Variants in RBPJ observed in about 807,000 individuals in gnomAD.
The protein encoded by RBPJ is recombining binding protein suppressor of hairless.
A neutral mutation model predicts 67.8 loss-of-function variants in RBPJ; 9 were observed. That is an observed-to-expected ratio of 0.13 (90% confidence interval 0.08 to 0.23). The LOEUF (loss-of-function observed/expected upper bound fraction) is 0.23, where lower values mean the gene tolerates loss of function less well. RBPJ is among the 10% of genes least tolerant of loss of function. RBPJ has a pLI of 1.00. For missense variants in RBPJ, 305 were observed against 595.6 expected, an observed-to-expected ratio of 0.51 and a Z score of 5.08; for synonymous variants, 198 against 203.3, an observed-to-expected ratio of 0.97 and a Z score of 0.22.
At chr4:26,270,381 G>GAAAGAAAGAAAGAAAGAA (rs1720847963) in intron 1 of RBPJ, among the ~76,000 whole-genome samples, 1 of 49,422 alleles carries the variant, frequency 2.0e-5, no homozygotes, top group African/African-American at 6.9e-5. Context: ...AAGAAAGAAA[G>GAAAGAAAGAAAGAAAGAA]AAAGAAAGAA....
intron 1 of RBPJ, among the ~76,000 whole-genome samples, chr4:26,195,184 C>T (rs888405334): frequency 6.6e-6 from 1 of 152,290 alleles, no homozygotes; most frequent in Admixed American, 6.5e-5. Context: ...GCCTGGCCAA[C>T]ATAGCGAGAC....
At chr4:26,316,697 G>A (rs921420900), upstream of RBPJ, among the ~76,000 whole-genome samples, 30 of 127,844 alleles carry the variant, frequency 2.3e-4, 1 homozygote, top group African/African-American at 8.8e-4. Flanking sequence ...CACATATTGT[G>A]TATATATATA....
At chr4:26,227,676 C>T (rs1035450110) in intron 1 of RBPJ, among the ~76,000 whole-genome samples, 1 of 152,166 alleles carries the variant, frequency 6.6e-6, no homozygotes, top group Non-Finnish European at 1.5e-5. Context: ...GGGTACATGA[C>T]CATATATCCA....
the RBPJ span, among the ~76,000 whole-genome samples, chr4:26,109,511 T>C: frequency 1.8e-3 from 87 of 49,310 alleles, 1 homozygote; most frequent in Non-Finnish European, 2.3e-3. Flanking sequence ...CATATATATA[T>C]ATACACACAC....
At chr4:26,381,409 A>G (rs1730317897) in intron 1 of RBPJ, among the ~76,000 whole-genome samples, 1 of 152,202 alleles carries the variant, frequency 6.6e-6, no homozygotes, top group African/African-American at 2.4e-5. Context: ...AGGAAGCACC[A>G]TGTTTAACGA....
At chr4:26,283,103 T>TG (rs1435229121) in intron 1 of RBPJ, among the ~76,000 whole-genome samples, 5 of 149,312 alleles carry the variant, frequency 3.3e-5, no homozygotes, top group Non-Finnish European at 4.5e-5. Flanking sequence ...GCTAATTTTT[T>TG]TATTTTTAGT....
chr4:26,428,610 T>C, intron 7 of RBPJ, 110 bp from the exon 8 acceptor site: 2 of 750,980 alleles, frequency 2.7e-6, no homozygotes, highest in Non-Finnish European at 2.2e-6. Flanking sequence ...GACAAATAAC[T>C]GTGATGTATT....
chr4:26,378,155 T>C (rs1729955045), intron 1 of RBPJ, among the ~76,000 whole-genome samples: 1 of 152,194 alleles, frequency 6.6e-6, no homozygotes, highest in Non-Finnish European at 1.5e-5. Flanking sequence ...GGTTTGTTCC[T>C]CAATTTGGCT....
rs377029958 is a variant in RBPJ, at chr4:26,430,677, C to G, written c.1149-15C>G. 2.5e-6 allele frequency: 4 copies of G among 1,609,692 alleles called. No homozygotes were observed. In the African/African-American group the frequency reaches 5.4e-5, roughly 22 times the overall value. ...TTTTTAAAGTGTTTTTAAGTGATTT[C>G]TATTTCCTCCTCAGGTGTGGAGAGA... is the stretch of plus-strand genomic sequence containing the variant. On this transcript the variant is annotated splice_polypyrimidine_tract_variant and intron_variant, in intron 10 of 10. Transcript: ENST00000355476. This position sits in a 1 kb window ranked among gnomAD's most constrained non-coding sequence, Gnocchi z 4.1.
At chr4:26,189,828 A>T (rs1290590739) in intron 1 of RBPJ, among the ~76,000 whole-genome samples, 3 of 152,242 alleles carry the variant, frequency 2.0e-5, no homozygotes, top group African/African-American at 7.2e-5. Flanking sequence ...TTCATTGAAG[A>T]GTCAGCATCA....
chr4:26,210,999 ATTTTTCCCAC>A, intron 1 of RBPJ, among the ~76,000 whole-genome samples: 1 of 151,870 alleles, frequency 6.6e-6, no homozygotes, highest in East Asian at 1.9e-4. Context: ...AAGTAATTTC[ATTTTTCCCAC>A]AGAGCCCCTG....
At chr4:26,401,619 T>C (rs1033140924) in intron 2 of RBPJ, among the ~76,000 whole-genome samples, 10 of 152,346 alleles carry the variant, frequency 6.6e-5, no homozygotes, top group African/African-American at 2.4e-4. Context: ...ATGTAAAATA[T>C]GGATCTTGCC....
At chr4:26,236,876 C>T (rs1719469490) in intron 1 of RBPJ, among the ~76,000 whole-genome samples, 2 of 152,140 alleles carry the variant, frequency 1.3e-5, no homozygotes, top group South Asian at 4.1e-4. Context: ...CCCTAAAGTG[C>T]TCAATGCCTG....
intron 1 of RBPJ, among the ~76,000 whole-genome samples, chr4:26,344,167 A>ACCAC (rs922739661): frequency 6.6e-6 from 1 of 151,390 alleles, no homozygotes; most frequent in African/African-American, 2.4e-5. Flanking sequence ...ACAGGTGTGA[A>ACCAC]CCACCACACC....
chr4:26,304,186 T>TA (rs1450641694), intron 1 of RBPJ, among the ~76,000 whole-genome samples: 1 of 152,212 alleles, frequency 6.6e-6, no homozygotes, highest in Non-Finnish European at 1.5e-5. Flanking sequence ...GTTTCATACT[T>TA]TATGTCTTTT....
At chr4:26,105,627 G>T in the RBPJ span, among the ~76,000 whole-genome samples, 5 of 152,134 alleles carry the variant, frequency 3.3e-5, no homozygotes, top group African/African-American at 1.2e-4. Context: ...ACTAGCTCAG[G>T]AAGATTCTAC....
intron 1 of RBPJ, among the ~76,000 whole-genome samples, chr4:26,259,586 C>G (rs1720460504): frequency 1.3e-5 from 2 of 152,192 alleles, no homozygotes; most frequent in African/African-American, 4.8e-5. Context: ...TAAAATTCCA[C>G]TGAAAGCTCT....
chr4:26,210,826 G>C (rs1008063773), intron 1 of RBPJ, among the ~76,000 whole-genome samples: 1 of 97,366 alleles, frequency 1.0e-5, no homozygotes. Flanking sequence ...TGTGTGTCTG[G>C]CTCTTTTATT....
chr4:26,338,156 C>CTTTTTTTTTTTTTTTTTTTTTT (rs773976269), intron 1 of RBPJ, among the ~76,000 whole-genome samples: 2 of 89,030 alleles, frequency 2.2e-5, no homozygotes, highest in African/African-American at 4.6e-5. Context: ...ATTTTTCTTT[C>CTTTTTTTTTTTTTTTTTTTTTT]TTTTTTTTTT....
Sources: allele counts gnomAD v4.1 joint callset (sites outside exome capture counted in the v4.1 genomes callset), GRCh38; gene constraint gnomAD v4.1.1; non-coding constraint Gnocchi (gnomAD v3.1); transcripts MANE v1.5; gene names NCBI Gene and HGNC (gene_info 2026-07-23, HGNC 2026-07-21).